LRRC4C: variants seen among roughly 807,000 people sequenced by gnomAD.
LRRC4C encodes leucine rich repeat containing 4C, also known as leucine-rich repeat-containing protein 4C.
A neutral mutation model predicts 33.6 loss-of-function variants in LRRC4C; 5 were observed. That is an observed-to-expected ratio of 0.15 (90% CI 0.08 to 0.31). The LOEUF is 0.31. Among genes scored for constraint, LRRC4C ranks in the 10% least tolerant of loss-of-function variants. LRRC4C has a pLI of 1.00. For missense variants in LRRC4C, 560 were observed against 796.7 expected (o/e 0.70, Z 3.58); for synonymous variants, 329 against 302.0 (o/e 1.09, Z -0.93).
At chr11:41,318,991 T>C (rs1341000454) in intron 1 of LRRC4C, among the ~76,000 whole-genome samples, 1 of 152,194 alleles carries the variant, frequency 6.6e-6, no homozygotes, top group Non-Finnish European at 1.5e-5. Context: ...GAACCTCAAT[T>C]TGAGAACAAG....
At chr11:41,132,101 G>A (rs541961316) in intron 1 of LRRC4C, among the ~76,000 whole-genome samples, 8 of 152,156 alleles carry the variant, frequency 5.3e-5, no homozygotes, top group South Asian at 4.2e-4. Flanking sequence ...GGCTTGCCCC[G>A]AATTCTTTCT....
At chr11:40,416,535 C>T (rs904462236) in intron 3 of LRRC4C, among the ~76,000 whole-genome samples, 3 of 152,122 alleles carry the variant, frequency 2.0e-5, no homozygotes, top group Non-Finnish European at 2.9e-5. Context: ...CGTCATTCTG[C>T]ATCTCTTGGA....
In LRRC4C at chr11:40,114,776, G is replaced by T; in HGVS notation, c.1517C>A (p.Thr506Asn). The T allele has an allele frequency of 6.2e-7, 1 of 1,614,146 alleles. No individual in the cohort carries two copies. The highest frequency in any genetic ancestry group is 8.5e-7 in the Non-Finnish European group (1 of 1,180,010). The part of the protein sequence containing the change: ...QSTRSTEKTF[T>N]IPVTDINSGI... ...ACTGTTTATATCAGTCACTGGGATGGTGAAGGTTTTCTCTGTCGACCTTGT... is the reference window on the plus strand; with the variant it reads ...ACTGTTTATATCAGTCACTGGGATGTTGAAGGTTTTCTCTGTCGACCTTGT... Residue 506 changes from threonine (T) to asparagine (N), a missense_variant, in exon 7 of 7, where the codon ACC (threonine) becomes AAC (asparagine). Physicochemically the swap from Thr to Asn is moderately conservative, Grantham distance 65. Coordinates refer to ENST00000528697, the MANE Select transcript of LRRC4C (RefSeq NM_001258419.2).
intron 2 of LRRC4C, among the ~76,000 whole-genome samples, chr11:40,805,768 T>A (rs1317298564): frequency 6.6e-6 from 1 of 152,204 alleles, no homozygotes; most frequent in Non-Finnish European, 1.5e-5. Flanking sequence ...AATTTTAGTA[T>A]TAATCACTAT....
At chr11:41,034,528 T>TTA (rs1856931432) in intron 1 of LRRC4C, among the ~76,000 whole-genome samples, 2 of 139,758 alleles carry the variant, frequency 1.4e-5, no homozygotes, top group South Asian at 4.4e-4. Context: ...ATATATATAT[T>TTA]TATATATATA....
chr11:40,384,223 T>C (rs1006941436), intron 3 of LRRC4C, among the ~76,000 whole-genome samples: 1 of 152,060 alleles, frequency 6.6e-6, no homozygotes, highest in Non-Finnish European at 1.5e-5. Context: ...ATCTTTGCTT[T>C]ATAGTGGTGA....
intron 1 of LRRC4C, among the ~76,000 whole-genome samples, chr11:41,187,506 A>G (rs1054018678): frequency 3.9e-5 from 6 of 151,922 alleles, no homozygotes; most frequent in African/African-American, 1.5e-4. Context: ...CCACCTTCCC[A>G]CTCCATCCCC....
chr11:40,956,266 T>G (rs1958950981), intron 1 of LRRC4C, among the ~76,000 whole-genome samples: 1 of 151,820 alleles, frequency 6.6e-6, no homozygotes, highest in Admixed American at 6.6e-5. Flanking sequence ...TTCTTATACT[T>G]ATTTGCTGGC....
chr11:40,490,842 T>A (rs1954111836), intron 3 of LRRC4C, among the ~76,000 whole-genome samples: 1 of 151,770 alleles, frequency 6.6e-6, no homozygotes, highest in Admixed American at 6.6e-5. Flanking sequence ...AACAGGAGAG[T>A]TTTTATTTTT....
chr11:40,534,240 T>G (rs2135336031), intron 3 of LRRC4C, among the ~76,000 whole-genome samples: 1 of 149,042 alleles, frequency 6.7e-6, no homozygotes, highest in South Asian at 2.1e-4. Flanking sequence ...TTATTATTGC[T>G]TTTTGCTACC....
chr11:40,139,269 T>A (rs2134946427), intron 6 of LRRC4C, among the ~76,000 whole-genome samples: 1 of 152,288 alleles, frequency 6.6e-6, no homozygotes, highest in East Asian at 1.9e-4. Context: ...AACTTGCTGC[T>A]CACAGTTTCT....
chr11:40,876,466 T>C (rs1954898487), intron 2 of LRRC4C, among the ~76,000 whole-genome samples: 7 of 152,070 alleles, frequency 4.6e-5, no homozygotes, highest in Admixed American at 4.6e-4. Context: ...AGCCATGTTA[T>C]CTGCCAACTT....
At chr11:41,408,747 T>TAAAAAAAAAAA (rs35914452) in intron 1 of LRRC4C, among the ~76,000 whole-genome samples, 8 of 131,780 alleles carry the variant, frequency 6.1e-5, no homozygotes, top group African/African-American at 2.2e-4. Context: ...TATATTTTTG[T>TAAAAAAAAAAA]AAAAAAAAAA....
intron 2 of LRRC4C, among the ~76,000 whole-genome samples, chr11:40,797,719 T>C (rs1174806973): frequency 3.3e-5 from 5 of 152,164 alleles, no homozygotes; most frequent in Admixed American, 6.5e-5. Context: ...TCTTGATCCT[T>C]TAGCTAATAT....
chr11:40,515,423 T>A (rs1955523147), intron 3 of LRRC4C, among the ~76,000 whole-genome samples: 1 of 152,110 alleles, frequency 6.6e-6, no homozygotes, highest in Non-Finnish European at 1.5e-5. Flanking sequence ...CTTTTCTATA[T>A]GTGAATAATT....
At chr11:40,596,576 G>A (rs540191070) in intron 3 of LRRC4C, among the ~76,000 whole-genome samples, 3 of 150,090 alleles carry the variant, frequency 2.0e-5, no homozygotes, top group South Asian at 2.1e-4. Context: ...ATTTTTGTAC[G>A]CTTCAACCAT....
intron 2 of LRRC4C, among the ~76,000 whole-genome samples, chr11:40,831,509 A>T (rs780440784): frequency 6.6e-6 from 1 of 152,190 alleles, no homozygotes; most frequent in Non-Finnish European, 1.5e-5. Flanking sequence ...TTACAATTTG[A>T]AATTTATTCT....
chr11:41,181,929 T>C (rs192865516), intron 1 of LRRC4C, among the ~76,000 whole-genome samples: 1 of 152,330 alleles, frequency 6.6e-6, no homozygotes, highest in East Asian at 1.9e-4. Context: ...TAAATTTGTT[T>C]TCCCTTTGAG....
At chr11:40,971,908 C>T (rs545248627) in intron 1 of LRRC4C, among the ~76,000 whole-genome samples, 5 of 152,258 alleles carry the variant, frequency 3.3e-5, no homozygotes, top group South Asian at 2.1e-4. Flanking sequence ...TTCAGACTTG[C>T]GTGGGGCCTG....
Sources: allele counts gnomAD v4.1 joint callset (sites outside exome capture counted in the v4.1 genomes callset), GRCh38; gene constraint gnomAD v4.1.1; transcripts MANE v1.5; gene names NCBI Gene and HGNC (gene_info 2026-07-23, HGNC 2026-07-21).